The following ADD3 variants were observed in gnomAD, a reference collection of about 807,000 sequenced individuals.
ADD3 encodes the protein adducin 3, also known as gamma-adducin.
Under a neutral mutation model 80.2 loss-of-function variants are expected in ADD3, and 25 were observed. That is an observed-to-expected ratio of 0.31 (90% CI 0.23 to 0.44). ADD3 has a LOEUF of 0.44. Among genes scored for constraint, ADD3 ranks in the 20% least tolerant of loss-of-function variants. The probability of loss-of-function intolerance (pLI) is 1.00; values close to 1 mark genes in which losing one functional copy is unlikely to be tolerated. For synonymous variants in ADD3, 284 were observed against 289.6 expected (o/e 0.98, Z 0.20); for missense variants, 829 against 847.5 (o/e 0.98, Z 0.27).
In ADD3 at chr10:110,126,488, G is replaced by A. The variant is rs751514696; in HGVS notation, c.1593G>A (p.Val531=). 1.2e-5 allele frequency: 20 copies of A among 1,612,466 alleles called. No individual in the cohort carries two copies. The South Asian group carries it at 1.9e-4, about 15-fold the overall frequency. The change falls in exon 12 of 15, where the codon GTG becomes GTA. Residue 531 remains valine (V), a synonymous_variant. Coordinates refer to ENST00000356080, the MANE Select transcript of ADD3 (RefSeq NM_016824.5). ...CTCAGTTGCTTGCTGGAATTGTTGTGGATAAGCCACCTTCTGTAAGTTTAT... is the reference window on the plus strand; with the variant it reads ...CTCAGTTGCTTGCTGGAATTGTTGTAGATAAGCCACCTTCTGTAAGTTTAT... ...PQSQLLAGIV[V]DKPPSTMQFE... is the part of the protein sequence containing the mutation.
chr10:109,997,948 C>T (rs1851412849), intron 1 of ADD3, among the ~76,000 whole-genome samples: 1 of 152,170 alleles, frequency 6.6e-6, no homozygotes, highest in African/African-American at 2.4e-5. Flanking sequence ...AATTTGAGAA[C>T]TACTGAACCA....
intron 1 of ADD3, among the ~76,000 whole-genome samples, chr10:110,066,350 C>T (rs1422423014): frequency 6.6e-6 from 1 of 152,146 alleles, no homozygotes; most frequent in Non-Finnish European, 1.5e-5. Flanking sequence ...AGCAGTTCTG[C>T]CTCAGCCTCC....
chr10:110,077,352 T>G (rs186184324), intron 1 of ADD3, among the ~76,000 whole-genome samples: 3 of 152,312 alleles, frequency 2.0e-5, no homozygotes, highest in African/African-American at 7.2e-5. Context: ...TTAACGATTT[T>G]GGGGATGACA....
intron 3 of ADD3, among the ~76,000 whole-genome samples, chr10:110,114,919 CAAATT>C (rs943221060): frequency 1.4e-4 from 21 of 150,786 alleles, no homozygotes; most frequent in Middle Eastern, 3.5e-3. Context: ...CTCCACTAAA[CAAATT>C]AAAAAATTAG....
intron 6 of ADD3, 78 bp downstream of exon 6, chr10:110,118,814 A>G (rs1177209146): frequency 7.2e-7 from 1 of 1,390,462 alleles, no homozygotes; most frequent in Non-Finnish European, 9.9e-7. Flanking sequence ...AGGATGCTTT[A>G]CTATCTGCTT....
Position 110,028,960 on chromosome 10 carries a change from A to G in ADD3, c.-30+20661A>G, listed in dbSNP as rs188688776. On this transcript the variant is annotated intron_variant, in intron 1 of 14. Transcript: ENST00000356080. ...AATGGCACGATCTCGGCTCACCGCA[A>G]CCTCCGCCTCCCGGGTTCAAGCAGT... Among the ~76,000 whole-genome samples the G allele has an allele frequency of 1.8e-4, 27 of 150,972 alleles. 1 individual carries two copies. Among genetic ancestry groups the G allele is most frequent in the Admixed American group, 1.6e-3 (25 of 15,166 alleles).
At chr10:110,004,292 T>A (rs1264559866), upstream of ADD3, among the ~76,000 whole-genome samples, 1 of 150,494 alleles carries the variant, frequency 6.6e-6, no homozygotes, top group East Asian at 2.0e-4. Flanking sequence ...CCCAGCACTT[T>A]GGGAGGCCGA....
At chr10:110,093,828 T>G (rs933693539) in intron 1 of ADD3, among the ~76,000 whole-genome samples, 1 of 152,040 alleles carries the variant, frequency 6.6e-6, no homozygotes, top group Admixed American at 6.6e-5. Flanking sequence ...GGTGTGTGGG[T>G]GTGTGTGTGT....
Position 110,133,615 on chromosome 10 carries a change from CTAAA to C in ADD3, c.*2_*5del, listed in dbSNP as rs753541585. 394 of 1,570,816 alleles carry C rather than the reference CTAAA, an allele frequency of 2.5e-4. No homozygotes were observed. The Middle Eastern group carries it at 4.9e-3, about 20-fold the overall frequency. ...ACAAAAAAAAGGAGAAAGTTGAGGCCTAAATAAAGTCTTTTTATAATTATTATTA... is the reference window on the plus strand; with the variant it reads ...ACAAAAAAAAGGAGAAAGTTGAGGCCTAAAGTCTTTTTATAATTATTATTA... On this transcript the variant is annotated stop_retained_variant and 3_prime_UTR_variant, in exon 15 of 15. Transcript: ENST00000356080.
At chr10:110,043,478 A>G (rs900763961) in intron 1 of ADD3, among the ~76,000 whole-genome samples, 1 of 152,002 alleles carries the variant, frequency 6.6e-6, no homozygotes, top group African/African-American at 2.4e-5. Context: ...CTGCTGCTTT[A>G]TTTTTATTTT....
chr10:110,044,138 G>C (rs899240183), intron 1 of ADD3, among the ~76,000 whole-genome samples: 2 of 152,182 alleles, frequency 1.3e-5, no homozygotes, highest in Admixed American at 6.5e-5. Context: ...GGAGGCGGAG[G>C]TTGCAGTGAG....
intron 1 of ADD3, among the ~76,000 whole-genome samples, chr10:110,032,902 A>G (rs180942209): frequency 1.9e-4 from 29 of 152,350 alleles, no homozygotes; most frequent in African/African-American, 5.5e-4. Flanking sequence ...ACCCAAGAAC[A>G]CACACATTAT....
At chr10:110,054,528 A>G (rs1407412976) in intron 1 of ADD3, among the ~76,000 whole-genome samples, 1 of 131,260 alleles carries the variant, frequency 7.6e-6, no homozygotes, top group Admixed American at 8.7e-5. Flanking sequence ...TGCAACCTCC[A>G]CCTCCCAGGT....
chr10:110,083,510 C>T (rs1477533676), intron 1 of ADD3, among the ~76,000 whole-genome samples: 2 of 149,096 alleles, frequency 1.3e-5, no homozygotes, highest in Admixed American at 1.3e-4. Context: ...AGCAAGACTC[C>T]GTCTCAAAAA....
intron 8 of ADD3, among the ~76,000 whole-genome samples, chr10:110,120,295 A>C (rs559535382): frequency 7.4e-6 from 1 of 134,884 alleles, no homozygotes. Context: ...TCATTGTTCA[A>C]TTCCCACCTA....
chr10:110,095,954 G>C (rs1848101405), intron 1 of ADD3, among the ~76,000 whole-genome samples: 1 of 152,150 alleles, frequency 6.6e-6, no homozygotes, highest in Non-Finnish European at 1.5e-5. Flanking sequence ...ATTAAGGAGG[G>C]AGTGGAAATG....
At chr10:110,003,964 C>T (rs1446300294), upstream of ADD3, among the ~76,000 whole-genome samples, 3 of 152,002 alleles carry the variant, frequency 2.0e-5, no homozygotes, top group South Asian at 2.1e-4. Context: ...TTCATTAAAT[C>T]GTGTATTCAT....
At chr10:110,127,230 A>G (rs934715234) in intron 12 of ADD3, among the ~76,000 whole-genome samples, 1 of 152,104 alleles carries the variant, frequency 6.6e-6, no homozygotes, top group Non-Finnish European at 1.5e-5. Context: ...CCTTTCTTAC[A>G]TAAGTCACCC....
At chr10:110,016,177 G>A (rs1317745295) in intron 1 of ADD3, among the ~76,000 whole-genome samples, 1 of 152,068 alleles carries the variant, frequency 6.6e-6, no homozygotes, top group Non-Finnish European at 1.5e-5. Context: ...GTTTAATTTG[G>A]GCTCAAAGGG....
Sources: gnomAD v4.1 joint callset for allele counts (sites outside exome capture counted in the v4.1 genomes callset) on GRCh38, gnomAD v4.1.1 for gene constraint, MANE v1.5 for transcripts, NCBI Gene and HGNC (gene_info 2026-07-23, HGNC 2026-07-21) for gene names.